ABCB1: variants seen among roughly 807,000 people sequenced by gnomAD.
ABCB1 encodes the protein ATP-dependent translocase ABCB1.
A neutral mutation model predicts 142.0 loss-of-function variants in ABCB1; 69 were observed. That is an observed-to-expected ratio of 0.49 (90% CI 0.40 to 0.59). The LOEUF (loss-of-function observed/expected upper bound fraction) is 0.59. Among genes scored for constraint, ABCB1 ranks in the 20% least tolerant of loss-of-function variants. The pLI is 0.00. For synonymous variants in ABCB1, 532 were observed against 539.2 expected (o/e 0.99, Z 0.18); for missense variants, 1,326 against 1,554.7 (o/e 0.85, Z 2.47).
chr7:87,612,643 A>G (rs1260498817), intron 1 of ABCB1, among the ~76,000 whole-genome samples: 1 of 152,148 alleles, frequency 6.6e-6, no homozygotes, highest in Non-Finnish European at 1.5e-5. Context: ...TACCAGTACC[A>G]TGCTGTTTTG....
At position 87,504,601 on chromosome 7, in the gene ABCB1, T is replaced by A. The variant is rs28364271; in HGVS notation, c.3637-152A>T. ...AGGCGGGCAGATCACAAGGTCAGATTGAGACCATCCTGGCTAACACGGTGA... is the reference window on the plus strand; with the variant it reads ...AGGCGGGCAGATCACAAGGTCAGATAGAGACCATCCTGGCTAACACGGTGA... On this transcript the variant is annotated intron_variant, in intron 27 of 27. Coordinates refer to ENST00000622132, the MANE Select transcript of ABCB1 (RefSeq NM_001348946.2). 1.8e-5 allele frequency: 18 copies of A among 1,013,270 alleles called. No individual in the cohort carries two copies. The African/African-American group carries it at 1.9e-4, about 11-fold the overall frequency. The allele number at this position is 1,013,270 out of a possible 1,614,324, so 62.8% of individuals were successfully genotyped here.
chr7:87,504,126 GA>G lies in ABCB1; in HGVS notation c.*116del. ...GTCTCTGAAGACTCTGAACTTGACTGAGGAAATGTTAAACAGATACCTCTTC... is the reference window on the plus strand; with the variant it reads ...GTCTCTGAAGACTCTGAACTTGACTGGGAAATGTTAAACAGATACCTCTTC... On this transcript the variant is annotated 3_prime_UTR_variant, in exon 28 of 28. Coordinates refer to ENST00000622132, the MANE Select transcript of ABCB1 (RefSeq NM_001348946.2). The G allele has an allele frequency of 7.4e-7, 1 of 1,354,730 alleles. No homozygotes were observed. Among genetic ancestry groups the G allele is most frequent in the Non-Finnish European group, 1.0e-6 (1 of 972,824 alleles). The allele number at this position is 1,354,730 out of a possible 1,614,324, so 83.9% of individuals were successfully genotyped here.
intron 3 of ABCB1, among the ~76,000 whole-genome samples, chr7:87,593,786 G>A (rs1819087990): frequency 6.6e-6 from 1 of 152,128 alleles, no homozygotes; most frequent in Non-Finnish European, 1.5e-5. Context: ...CATTGCTTGG[G>A]GAAATTCAGT....
In ABCB1 at chr7:87,520,806, A is replaced by G. The variant is rs201740660; in HGVS notation, c.2756T>C (p.Met919Thr). ...TGGTACCTGCAAACTCTGAGCATAC[A>G]TATGTTCAAACTTCTGCTCCTGAGT... The part of the protein sequence containing the change: ...SLTQEQKFEH[M>T]YAQSLQVPYR... Residue 919 changes from methionine to threonine, a missense_variant, in exon 22 of 28, where the codon ATG (methionine) becomes ACG (threonine). Physicochemically the swap from Met to Thr is moderately conservative, Grantham distance 81. Transcript: ENST00000622132. 1 of 1,613,970 alleles carries G rather than the reference A, an allele frequency of 6.2e-7. No individual in the cohort carries two copies.
chr7:87,565,019 G>A (rs1468013485), intron 7 of ABCB1, among the ~76,000 whole-genome samples: 2 of 152,142 alleles, frequency 1.3e-5, no homozygotes, highest in Non-Finnish European at 2.9e-5. Context: ...GTTACTCTGA[G>A]CAAAAAATTA....
Position 87,545,863 on chromosome 7 carries a change from C to T in ABCB1, c.1887G>A (p.Gln629=), listed in dbSNP as rs1379886427. ...GGAAAATTCTGAAGTTAAACTATAC[C>T]TGCATTGTGACAAGTTTGAAGTAAA... ...KGIYFKLVTM[Q]TAGNEVELEN... Residue 629 remains glutamine (Q), a splice_region_variant and synonymous_variant, in exon 15 of 28, where the codon CAG becomes CAA. Coordinates refer to ENST00000622132, the MANE Select transcript of ABCB1 (RefSeq NM_001348946.2). The T allele has an allele frequency of 6.2e-7, 1 of 1,613,934 alleles. No homozygotes were observed. The highest frequency in any genetic ancestry group is 2.2e-5 in the East Asian group (1 of 44,870).
intron 1 of ABCB1, chr7:87,709,114 C>A: frequency 3.6e-6 from 1 of 277,486 alleles, no homozygotes; most frequent in Non-Finnish European, 5.5e-6. Flanking sequence ...ACAACTTATC[C>A]TTATAATATA....
At position 87,595,746 on chromosome 7, in the gene ABCB1, T is replaced by C. The variant is rs1819176417; in HGVS notation, c.117+20A>G. Reference sequence around the variant, plus strand: ...CAAATTTCCGAAGTATTTTGAATAGTTAATAAATTCAAAACTCACCATTGA... The same window carrying C: ...CAAATTTCCGAAGTATTTTGAATAGCTAATAAATTCAAAACTCACCATTGA... On this transcript the variant is annotated intron_variant, in intron 3 of 27. Transcript: ENST00000622132. The C allele has an allele frequency of 1.3e-6, 2 of 1,574,150 alleles. No individual in the cohort carries two copies. Among genetic ancestry groups the C allele is most frequent in the Admixed American group, 1.7e-5 (1 of 59,818 alleles).
intron 1 of ABCB1, chr7:87,628,625 G>GT (rs1491548397): frequency 2.4e-5 from 7 of 291,670 alleles, no homozygotes; most frequent in Admixed American, 2.3e-4. Flanking sequence ...GTGTGTGTGT[G>GT]GAGCTCGGGT....
chr7:87,522,536 C>A, intron 21 of ABCB1: 1 of 474,108 alleles, frequency 2.1e-6, no homozygotes, highest in South Asian at 1.6e-5. Context: ...CTAAGTGCTA[C>A]AAGAAGACAT....
chr7:87,572,589 TA>T (rs1220980769), intron 4 of ABCB1, among the ~76,000 whole-genome samples: 7 of 152,140 alleles, frequency 4.6e-5, no homozygotes, highest in Admixed American at 3.9e-4. Flanking sequence ...ATAATTCTAT[TA>T]TAAAGACACA....
intron 1 of ABCB1, among the ~76,000 whole-genome samples, chr7:87,654,432 T>C (rs997325612): frequency 2.6e-5 from 4 of 152,062 alleles, no homozygotes; most frequent in Admixed American, 6.6e-5. Flanking sequence ...AATCCATGCA[T>C]TTCTGGTCTA....
Position 87,520,747 on chromosome 7 carries a change from C to G in ABCB1, c.2786+29G>C, listed in dbSNP as rs201588853. The G allele has an allele frequency of 3.1e-5, 49 of 1,570,154 alleles. No homozygotes were observed. The South Asian group carries it at 4.1e-4, about 13-fold the overall frequency. On this transcript the variant is annotated intron_variant, in intron 22 of 27. Coordinates refer to ENST00000622132, the MANE Select transcript of ABCB1 (RefSeq NM_001348946.2). ...TATGATGATTGAAAAATTATTCACA[C>G]TCTCCTCCCACTCTTCAGCGGTTAT...
At chr7:87,539,775 T>C (rs1816451782) in intron 18 of ABCB1, among the ~76,000 whole-genome samples, 1 of 152,212 alleles carries the variant, frequency 6.6e-6, no homozygotes, top group African/African-American at 2.4e-5. Context: ...ACTCATAGAC[T>C]TTGTTCTCAC....
chr7:87,588,359 A>G (rs756370425), intron 3 of ABCB1, among the ~76,000 whole-genome samples: 6 of 151,838 alleles, frequency 4.0e-5, no homozygotes, highest in African/African-American at 7.3e-5. Flanking sequence ...AAAGGCCCCA[A>G]TGTGTGTTGT....
intron 7 of ABCB1, among the ~76,000 whole-genome samples, chr7:87,565,728 G>C (rs909744454): frequency 6.6e-6 from 1 of 151,968 alleles, no homozygotes; most frequent in Admixed American, 6.5e-5. Context: ...ATCCACTAGA[G>C]AGCATGGTTC....
intron 1 of ABCB1, among the ~76,000 whole-genome samples, chr7:87,680,838 G>A (rs950650942): frequency 2.7e-5 from 4 of 149,964 alleles, no homozygotes; most frequent in African/African-American, 7.4e-5. Context: ...ACTAAATAAA[G>A]AAGGGAAAAT....
intron 25 of ABCB1, among the ~76,000 whole-genome samples, chr7:87,514,238 A>G (rs1815136349): frequency 6.6e-6 from 1 of 152,214 alleles, no homozygotes; most frequent in African/African-American, 2.4e-5. Flanking sequence ...ACTAGCAGGC[A>G]TCCATTCTGA....
intron 1 of ABCB1, among the ~76,000 whole-genome samples, chr7:87,620,810 A>G (rs1820196743): frequency 6.6e-6 from 1 of 152,174 alleles, no homozygotes; most frequent in South Asian, 2.1e-4. Flanking sequence ...AATCAAACCA[A>G]CAGAATCTGA....
Sources: gnomAD v4.1 joint callset for allele counts (sites outside exome capture counted in the v4.1 genomes callset) on GRCh38, gnomAD v4.1.1 for gene constraint, MANE v1.5 for transcripts, NCBI Gene and HGNC (gene_info 2026-07-23, HGNC 2026-07-21) for gene names.